NIPBL: variants seen among roughly 807,000 people sequenced by gnomAD.
NIPBL encodes nipped-B-like protein.
Under a neutral mutation model 321.8 loss-of-function variants are expected in NIPBL, and 19 were observed. That is an observed-to-expected ratio of 0.06 (90% CI 0.04 to 0.09). The LOEUF (loss-of-function observed/expected upper bound fraction) is 0.09, where lower values mean the gene tolerates loss of function less well. Among genes scored for constraint, NIPBL ranks in the 10% least tolerant of loss-of-function variants. NIPBL has a pLI of 1.00. For synonymous variants in NIPBL, 1,106 were observed against 1,114.1 expected, an observed-to-expected ratio of 0.99 and a Z score of 0.14; for missense variants, 2,210 against 3,327.0, an observed-to-expected ratio of 0.66 and a Z score of 8.26.
intron 1 of NIPBL, among the ~76,000 whole-genome samples, chr5:36,916,658 A>AC (rs1239734030): frequency 1.6e-5 from 2 of 128,316 alleles, no homozygotes; most frequent in African/African-American, 6.0e-5. Context: ...CACTCCCCCC[A>AC]CCCCACAACA....
intron 29 of NIPBL, among the ~76,000 whole-genome samples, chr5:37,023,444 A>G (rs1430059003): frequency 6.6e-6 from 1 of 152,192 alleles, no homozygotes; most frequent in Non-Finnish European, 1.5e-5. Flanking sequence ...AGTACAGTGA[A>G]CACCCTTGTA....
intron 1 of NIPBL, among the ~76,000 whole-genome samples, chr5:36,890,223 A>G (rs1746215408): frequency 1.3e-5 from 2 of 151,946 alleles, no homozygotes; most frequent in Non-Finnish European, 2.9e-5. Flanking sequence ...ATAAATAATG[A>G]GGCAGTGAAC....
intron 1 of NIPBL, among the ~76,000 whole-genome samples, chr5:36,908,374 G>T (rs1747802295): frequency 6.6e-6 from 1 of 152,052 alleles, no homozygotes; most frequent in South Asian, 2.1e-4. Flanking sequence ...GGATGTTTAT[G>T]CTTTTTTGTT....
intron 1 of NIPBL, among the ~76,000 whole-genome samples, chr5:36,895,945 TAC>T (rs1384888789): frequency 1.3e-5 from 2 of 152,228 alleles, no homozygotes; most frequent in Admixed American, 1.3e-4. Context: ...TTGAAGCACA[TAC>T]ATTTTTAATT....
intron 2 of NIPBL, among the ~76,000 whole-genome samples, chr5:36,954,331 C>T (rs1393056933): frequency 6.6e-6 from 1 of 152,158 alleles, no homozygotes. Flanking sequence ...TGTTCAGTAT[C>T]CTCCAAATAC....
intron 6 of NIPBL, among the ~76,000 whole-genome samples, chr5:36,965,359 C>T (rs1000554416): frequency 1.3e-5 from 2 of 152,074 alleles, no homozygotes; most frequent in African/African-American, 2.4e-5. Flanking sequence ...GAATAAAGTC[C>T]TGTCATTTTC....
intron 34 of NIPBL, among the ~76,000 whole-genome samples, chr5:37,043,281 G>C (rs1011438486): frequency 3.9e-5 from 6 of 152,074 alleles, no homozygotes; most frequent in African/African-American, 1.4e-4. Context: ...TGTAATCCCA[G>C]CACTTTGGGA....
In NIPBL at chr5:37,007,366, C is replaced by G; in HGVS notation, c.4131C>G (p.Thr1377=). 6.2e-7 allele frequency: 1 copy of G among 1,611,974 alleles called. No individual in the cohort carries two copies. Among genetic ancestry groups the G allele is most frequent in the Non-Finnish European group, 8.5e-7 (1 of 1,178,586 alleles). The change falls in exon 18 of 47, where the codon ACC becomes ACG. Residue 1377 remains threonine, a synonymous_variant. Coordinates refer to ENST00000282516, the MANE Select transcript of NIPBL (RefSeq NM_133433.4). ...AAGCAAAACGGGCTAAATGTTCTACCCATAAGCAGAGAGTAATAGTAATGC... is the reference window on the plus strand; with the variant it reads ...AAGCAAAACGGGCTAAATGTTCTACGCATAAGCAGAGAGTAATAGTAATGC... ...SSKAKRAKCS[T]HKQRVIVMLY...
chr5:36,958,167 C>T lies in NIPBL; in HGVS notation c.294C>T (p.Ala98=), dbSNP rs142184978. 2.6e-4 allele frequency: 417 copies of T among 1,613,796 alleles called. 2 individuals are homozygous for T. In the African/African-American group the frequency reaches 4.9e-3, roughly 19 times the overall value. The change falls in exon 4 of 47, where the codon GCC becomes GCT. Residue 98 remains alanine, a synonymous_variant. Coordinates refer to ENST00000282516, the MANE Select transcript of NIPBL (RefSeq NM_133433.4). ...PEGDIPVLLQ[A]VLARSPNVFR... ...GTGACATACCAGTCTTGTTGCAGGC[C>T]GTCCTGGCAAGGAGTCCTAATGTTT...
chr5:36,906,728 TATAA>T (rs1489222105), intron 1 of NIPBL, among the ~76,000 whole-genome samples: 2 of 152,212 alleles, frequency 1.3e-5, no homozygotes, highest in Non-Finnish European at 2.9e-5. Flanking sequence ...CAGTAGAAGA[TATAA>T]TTAATACTTG....
At chr5:37,005,843 G>C (rs1747368642) in intron 16 of NIPBL, among the ~76,000 whole-genome samples, 1 of 152,078 alleles carries the variant, frequency 6.6e-6, no homozygotes, top group South Asian at 2.1e-4. Flanking sequence ...GTCTTCATTA[G>C]TCTGCATATT....
At chr5:37,050,774 A>T (rs1044187636) in intron 40 of NIPBL, among the ~76,000 whole-genome samples, 1 of 152,196 alleles carries the variant, frequency 6.6e-6, no homozygotes, top group Non-Finnish European at 1.5e-5. Context: ...ATTATCTAAT[A>T]TACAGTTCAT....
At chr5:36,992,386 T>G (rs1184476953) in intron 10 of NIPBL, among the ~76,000 whole-genome samples, 1 of 152,172 alleles carries the variant, frequency 6.6e-6, no homozygotes. Context: ...ATAGCAAGAC[T>G]TTATGTTTGC....
chr5:36,913,410 A>G lies in NIPBL; in HGVS notation c.-80+36232A>G, dbSNP rs540433675. On this transcript the variant is annotated intron_variant, in intron 1 of 46. Transcript: ENST00000282516. ...CTTTTTTTTTTTTTTTTTTAAAAAG[A>G]CAGACTGTCTTGCTCCGTCTCCCAG... is the stretch of plus-strand genomic sequence containing the variant. 6.7e-5 allele frequency among the ~76,000 whole-genome samples: 10 copies of G among 149,136 alleles called. No individual in the cohort carries two copies. In the South Asian group the frequency reaches 1.9e-3, roughly 28 times the overall value.
At chr5:36,923,043 C>T (rs1383140459) in intron 1 of NIPBL, among the ~76,000 whole-genome samples, 1 of 152,136 alleles carries the variant, frequency 6.6e-6, no homozygotes, top group Non-Finnish European at 1.5e-5. Flanking sequence ...AATCCCAGAA[C>T]TTTGGGAGGC....
chr5:37,024,665 C>G lies in NIPBL; in HGVS notation c.5655C>G (p.Ile1885Met). 6.2e-7 allele frequency: 1 copy of G among 1,610,904 alleles called. No homozygotes were observed. The highest frequency in any genetic ancestry group is 8.5e-7 in the Non-Finnish European group (1 of 1,177,740). The change falls in exon 30 of 47, where the codon ATC becomes ATG. Residue 1885 changes from isoleucine to methionine, a missense_variant. This residue lies in a region of NIPBL where 49 missense variants were observed against 163.6 expected (regional missense o/e 0.30). Transcript: ENST00000282516. The stretch of plus-strand genomic sequence containing the variant: ...TTGAACAACCAACATTTCCAAAAAT[C>G]ACAGAAATGTGTGTAAAAATGATTC... ...ICIEQPTFPK[I>M]TEMCVKMIRR... is the part of the protein sequence containing the mutation.
chr5:36,988,627 C>G (rs1745118507), intron 10 of NIPBL, among the ~76,000 whole-genome samples: 1 of 151,982 alleles, frequency 6.6e-6, no homozygotes, highest in Non-Finnish European at 1.5e-5. Flanking sequence ...TTGTAGATTA[C>G]TGACCCTTTG....
At chr5:36,957,842 G>T (rs1741148489) in intron 3 of NIPBL, among the ~76,000 whole-genome samples, 1 of 152,078 alleles carries the variant, frequency 6.6e-6, no homozygotes, top group Non-Finnish European at 1.5e-5. Context: ...AATTAGCTGG[G>T]CGTGGTGGCA....
At chr5:37,016,736 A>T (rs191479895) in intron 23 of NIPBL, among the ~76,000 whole-genome samples, 117 of 152,228 alleles carry the variant, frequency 7.7e-4, no homozygotes, top group African/African-American at 2.6e-3. Context: ...AGAAATTCTT[A>T]CTCAGTAATA....
Sources: allele counts gnomAD v4.1 joint callset (sites outside exome capture counted in the v4.1 genomes callset), GRCh38; gene constraint gnomAD v4.1.1; regional missense constraint gnomAD v4.1.1; transcripts MANE v1.5; gene names NCBI Gene and HGNC (gene_info 2026-07-23, HGNC 2026-07-21).